Variants in SOD2 observed in about 807,000 individuals in gnomAD.
SOD2 encodes the protein superoxide dismutase [Mn], mitochondrial.
SOD2 carries 11 observed loss-of-function variants against 27.0 expected under a neutral mutation model. The observed-to-expected ratio is 0.41, with a 90% CI of 0.26 to 0.67. SOD2 has a LOEUF of 0.67. SOD2 is among the 30% of genes least tolerant of loss of function. SOD2 has a pLI of 0.34. For synonymous variants in SOD2, 105 were observed against 103.0 expected (o/e 1.02, Z -0.12); for missense variants, 250 against 274.5 (o/e 0.91, Z 0.63).
At position 159,733,435 on chromosome 6, in the gene SOD2, G is replaced by C. The variant is rs147484557; in HGVS notation, c.-116+11695C>G. 3.9e-3 allele frequency among the ~76,000 whole-genome samples: 572 copies of C among 147,880 alleles called. 3 individuals are homozygous for C. The highest frequency in any genetic ancestry group is 0.013 in the African/African-American group (519 of 39,950). ...AGTTCGAGACCAGCCTGGGCAGCAT[G>C]GCGAAACCCTGTCTCTACCAAAAAA... is the stretch of plus-strand genomic sequence containing the variant. On this transcript the variant is annotated intron_variant, in intron 1 of 3. Coordinates refer to the SOD2 transcript ENST00000537657.
intron 1 of SOD2, among the ~76,000 whole-genome samples, chr6:159,753,772 A>G (rs552088758): frequency 6.6e-6 from 1 of 152,308 alleles, no homozygotes; most frequent in South Asian, 2.1e-4. Flanking sequence ...TGAGTCCGCA[A>G]ACAAAGCCAT....
rs1275598245 is a variant in SOD2, at chr6:159,674,168, CAAGG to C, written c.*8321_*8324del. ...TCACAGCCGAATTCTACCAGAGGTACAAGGAAGAGCTGGTACCATTCCTTCTGAA... is the reference window on the plus strand; with the variant it reads ...TCACAGCCGAATTCTACCAGAGGTACAAGAGCTGGTACCATTCCTTCTGAA... On this transcript the variant is annotated 3_prime_UTR_variant, in exon 5 of 5. Coordinates refer to ENST00000538183, the MANE Select transcript of SOD2 (RefSeq NM_000636.4). 1.3e-5 allele frequency: 2 copies of C among 152,280 alleles called. No individual in the cohort carries two copies. Among genetic ancestry groups the C allele is most frequent in the Non-Finnish European group, 2.9e-5 (2 of 68,040 alleles). The allele number at this position is 152,280 out of a possible 1,614,324, so 9.4% of individuals were successfully genotyped here. A position where few individuals can be genotyped will look rare whatever the true frequency, so the allele number is the denominator to read the frequency against.
chr6:159,712,867 A>C, intron 1 of SOD2: 1 of 634,682 alleles, frequency 1.6e-6, no homozygotes, highest in Non-Finnish European at 3.0e-6. Flanking sequence ...GATTCAAGAA[A>C]AGTTCTACAT....
intron 1 of SOD2, chr6:159,753,739 A>G (rs1779902604): frequency 8.3e-7 from 1 of 1,210,796 alleles, no homozygotes; most frequent in Non-Finnish European, 1.1e-6. Flanking sequence ...ATTGTATATT[A>G]TTGTGAGTGA....
intron 1 of SOD2, among the ~76,000 whole-genome samples, chr6:159,739,860 C>T (rs1343853636): frequency 3.9e-5 from 4 of 103,662 alleles, no homozygotes; most frequent in Admixed American, 2.5e-4. Context: ...TTTTTTTTGC[C>T]ATAATCTCAT....
chr6:159,709,709 C>T (rs539440438), intron 1 of SOD2, among the ~76,000 whole-genome samples: 110 of 152,188 alleles, frequency 7.2e-4, no homozygotes, highest in Non-Finnish European at 1.5e-3. Flanking sequence ...GACAGTGTGG[C>T]GATTCCTCAG....
chr6:159,737,387 A>G (rs1778987201), intron 1 of SOD2, among the ~76,000 whole-genome samples: 1 of 152,140 alleles, frequency 6.6e-6, no homozygotes, highest in Non-Finnish European at 1.5e-5. Flanking sequence ...CCCTCGTTCC[A>G]TTTTATGGTA....
At chr6:159,707,876 C>A (rs1050468512) in intron 1 of SOD2, among the ~76,000 whole-genome samples, 13 of 151,964 alleles carry the variant, frequency 8.6e-5, no homozygotes, top group East Asian at 1.9e-4. Flanking sequence ...TCAATAAAAT[C>A]CTGGCAAACT....
exon 1 of SOD2, chr6:159,761,434 C>G (rs1780121751): frequency 2.3e-6 from 1 of 439,706 alleles, no homozygotes; most frequent in South Asian, 1.6e-5. Context: ...CCGTTCACAG[C>G]CAGAGTTGAT....
intron 1 of SOD2, among the ~76,000 whole-genome samples, chr6:159,709,007 C>A (rs199561796): frequency 1.5e-4 from 23 of 152,216 alleles, no homozygotes; most frequent in Admixed American, 7.9e-4. Flanking sequence ...CAAAAACAAG[C>A]AATGGGGAAA....
chr6:159,718,460 T>C (rs1465841967), intron 1 of SOD2, among the ~76,000 whole-genome samples: 2 of 152,198 alleles, frequency 1.3e-5, no homozygotes, highest in Non-Finnish European at 2.9e-5. Context: ...TAGTAAAAAT[T>C]ATGATAACAA....
chr6:159,761,992 A>G (rs1780144662), exon 1 of SOD2: 2 of 1,393,754 alleles, frequency 1.4e-6, no homozygotes, highest in Non-Finnish European at 2.0e-6. Flanking sequence ...GGGCGGGGCT[A>G]CCTCAGGTCC....
chr6:159,758,841 T>C (rs1011738704), intron 1 of SOD2, among the ~76,000 whole-genome samples: 2 of 152,180 alleles, frequency 1.3e-5, no homozygotes, highest in African/African-American at 2.4e-5. Flanking sequence ...TGGCTTGGAC[T>C]CCTGCAACTC....
At position 159,685,219 on chromosome 6, in the gene SOD2, CTTTTTTTTT is replaced by C. The variant is rs750824041; in HGVS notation, c.344-195_344-187del. ...ACGTTTTTGTTTTTTATAACTTCAA[CTTTTTTTTT>C]TTTTTTTTTTTTTTTTCATTTTTTA... On this transcript the variant is annotated intron_variant, in intron 3 of 4. Coordinates refer to ENST00000538183, the MANE Select transcript of SOD2 (RefSeq NM_000636.4). 8.2e-3 allele frequency among the ~76,000 whole-genome samples: 607 copies of C among 73,940 alleles called. 4 individuals are homozygous for C. The highest frequency in any genetic ancestry group is 0.012 in the Non-Finnish European group (500 of 40,976). 48.5% of individuals were successfully genotyped at this position (73,940 alleles called of 152,430 possible). A position where few individuals can be genotyped will look rare whatever the true frequency, so the allele number is the denominator to read the frequency against.
intron 1 of SOD2, among the ~76,000 whole-genome samples, chr6:159,742,546 A>G (rs940186303): frequency 1.3e-5 from 2 of 152,216 alleles, no homozygotes; most frequent in South Asian, 2.1e-4. Flanking sequence ...GCTTAAATCA[A>G]TATATATAAC....
rs1034202639 is a variant in SOD2, at chr6:159,669,858, T to A, written c.*12635A>T. 1 of 152,238 alleles carries A rather than the reference T, an allele frequency of 6.6e-6. No individual in the cohort carries two copies. Among genetic ancestry groups the A allele is most frequent in the African/African-American group, 2.4e-5 (1 of 41,470 alleles). 9.4% of individuals were successfully genotyped at this position (152,238 alleles called of 1,614,324 possible). On this transcript the variant is annotated 3_prime_UTR_variant, in exon 5 of 5. Transcript: ENST00000538183. ...CTGTCTTTACAGGTGAGGTTTCTTG[T>A]AGGCAGCATACAGTCGAGTCATGAT...
chr6:159,679,867 T>C lies in SOD2; in HGVS notation c.*2626A>G, dbSNP rs1779871791. The C allele has an allele frequency of 6.6e-6, 1 of 151,436 alleles. No individual in the cohort carries two copies. The highest frequency in any genetic ancestry group is 2.1e-4 in the South Asian group (1 of 4,774). 9.4% of individuals were successfully genotyped at this position (151,436 alleles called of 1,614,324 possible). A position where few individuals can be genotyped will look rare whatever the true frequency, so the allele number is the denominator to read the frequency against. ...GCTGGTCTTGAACTCCTTCAAGTGTTCTGCCTGCCTTGGCCTCCCAAAGTG... is the reference window on the plus strand; with the variant it reads ...GCTGGTCTTGAACTCCTTCAAGTGTCCTGCCTGCCTTGGCCTCCCAAAGTG... On this transcript the variant is annotated 3_prime_UTR_variant, in exon 5 of 5. Coordinates refer to ENST00000538183, the MANE Select transcript of SOD2 (RefSeq NM_000636.4).
rs776194516 is a variant in SOD2, at chr6:159,692,731, G to A, written c.156C>T (p.Ser52=). Residue 52 remains serine (S), a synonymous_variant, in exon 2 of 5, where the codon AGC becomes AGT. Coordinates refer to ENST00000538183, the MANE Select transcript of SOD2 (RefSeq NM_000636.4). ...INAQIMQLHH[S]KHHAAYVNNL... ...TGTTCACGTAGGCCGCGTGGTGCTT[G>A]CTGTGGTGCAGCTGCATGATCTGCG... 1 of 1,614,178 alleles carries A rather than the reference G, an allele frequency of 6.2e-7. No individual in the cohort carries two copies. The highest frequency in any genetic ancestry group is 2.2e-5 in the East Asian group (1 of 44,868).
intron 1 of SOD2, among the ~76,000 whole-genome samples, chr6:159,759,397 C>G (rs1780078050): frequency 2.1e-5 from 3 of 144,266 alleles, no homozygotes; most frequent in African/African-American, 7.5e-5. Flanking sequence ...GCTGGCCGGG[C>G]GCGGTGGCTC....
Sources: gnomAD v4.1 joint callset for allele counts (sites outside exome capture counted in the v4.1 genomes callset) on GRCh38, gnomAD v4.1.1 for gene constraint, MANE v1.5 for transcripts, NCBI Gene and HGNC (gene_info 2026-07-23, HGNC 2026-07-21) for gene names.